The following PRR16 variants were observed in gnomAD, a reference collection of about 807,000 sequenced individuals.
The protein encoded by PRR16 is protein Largen.
Under a neutral mutation model 18.2 loss-of-function variants are expected in PRR16, and 6 were observed. That is an observed-to-expected ratio of 0.33 (90% CI 0.18 to 0.65). The LOEUF is 0.65. Among genes scored for constraint, PRR16 ranks in the 30% least tolerant of loss-of-function variants. PRR16 has a pLI of 0.74. For synonymous variants in PRR16, 151 were observed against 147.8 expected, an observed-to-expected ratio of 1.02 and a Z score of -0.16; for missense variants, 412 against 376.6, an observed-to-expected ratio of 1.09 and a Z score of -0.78.
the PRR16 span, among the ~76,000 whole-genome samples, chr5:120,709,609 C>G: frequency 6.6e-6 from 1 of 151,992 alleles, no homozygotes; most frequent in East Asian, 1.9e-4. Context: ...ATTTTTGTAC[C>G]TGTTAACCAA....
chr5:120,534,164 T>C (rs1001086618), intron 1 of PRR16, among the ~76,000 whole-genome samples: 13 of 152,224 alleles, frequency 8.5e-5, no homozygotes, highest in African/African-American at 3.1e-4. Flanking sequence ...ATCTGAGAGA[T>C]ATAAATTGGG....
chr5:120,564,363 A>G (rs934913333), intron 1 of PRR16, among the ~76,000 whole-genome samples: 10 of 152,000 alleles, frequency 6.6e-5, no homozygotes, highest in African/African-American at 1.7e-4. Context: ...CTGCCTTTCA[A>G]GTTTACCTAG....
the PRR16 span, among the ~76,000 whole-genome samples, chr5:120,787,031 C>T: frequency 6.6e-6 from 1 of 152,090 alleles, no homozygotes; most frequent in African/African-American, 2.4e-5. Flanking sequence ...AGCAATTAAC[C>T]CGTTGATATG....
intron 1 of PRR16, among the ~76,000 whole-genome samples, chr5:120,619,850 G>T (rs1356097985): frequency 6.6e-6 from 1 of 152,052 alleles, no homozygotes; most frequent in East Asian, 1.9e-4. Flanking sequence ...ATAAGACACA[G>T]TTCTACCCAT....
At chr5:120,472,467 GA>G (rs1471423191) in intron 1 of PRR16, among the ~76,000 whole-genome samples, 1 of 151,650 alleles carries the variant, frequency 6.6e-6, no homozygotes, top group Non-Finnish European at 1.5e-5. Flanking sequence ...TTGAAAAAAG[GA>G]AAAAAAGTTG....
chr5:120,611,496 G>T (rs1316281388), intron 1 of PRR16, among the ~76,000 whole-genome samples: 4 of 152,128 alleles, frequency 2.6e-5, no homozygotes, highest in Non-Finnish European at 5.9e-5. Flanking sequence ...TGCAGCCTAG[G>T]GACTTGGTGC....
the PRR16 span, among the ~76,000 whole-genome samples, chr5:120,773,472 C>T: frequency 6.6e-6 from 1 of 152,078 alleles, no homozygotes; most frequent in Non-Finnish European, 1.5e-5. Context: ...AAATTGTTGG[C>T]CACAGGTATG....
At chr5:120,602,265 A>G (rs1000069881) in intron 1 of PRR16, among the ~76,000 whole-genome samples, 1 of 151,974 alleles carries the variant, frequency 6.6e-6, no homozygotes, top group Non-Finnish European at 1.5e-5. Context: ...TTCTTGTAGT[A>G]CAGATCTTTC....
chr5:120,787,772 T>TTCC, the PRR16 span, among the ~76,000 whole-genome samples: 1 of 152,084 alleles, frequency 6.6e-6, no homozygotes, highest in East Asian at 1.9e-4. Context: ...GCGTAAGTAC[T>TTCC]TCCTCCTCCT....
the PRR16 span, chr5:120,790,729 G>A: frequency 6.6e-6 from 1 of 152,070 alleles, no homozygotes; most frequent in Non-Finnish European, 1.5e-5. Flanking sequence ...GGGTAATGAT[G>A]TGTGCTGTTA....
At chr5:120,537,903 A>G (rs968767736) in intron 1 of PRR16, among the ~76,000 whole-genome samples, 41 of 149,696 alleles carry the variant, frequency 2.7e-4, no homozygotes, top group Non-Finnish European at 5.1e-4. Flanking sequence ...CAGCCTCCCA[A>G]GTAGCTGGGA....
At chr5:120,655,339 T>G (rs946629659) in intron 1 of PRR16, among the ~76,000 whole-genome samples, 5 of 151,134 alleles carry the variant, frequency 3.3e-5, no homozygotes, top group Admixed American at 6.6e-5. Flanking sequence ...GCAAGAATTT[T>G]CAATGGATGA....
chr5:120,785,202 A>T, the PRR16 span, among the ~76,000 whole-genome samples: 2 of 152,174 alleles, frequency 1.3e-5, no homozygotes, highest in Non-Finnish European at 2.9e-5. Context: ...GAGAGTTTTG[A>T]CAAGTGTCTA....
At chr5:120,717,855 T>C in the PRR16 span, among the ~76,000 whole-genome samples, 1 of 152,206 alleles carries the variant, frequency 6.6e-6, no homozygotes, top group Non-Finnish European at 1.5e-5. Context: ...TGAGGTTTGA[T>C]CTTTTAATAT....
intron 1 of PRR16, among the ~76,000 whole-genome samples, chr5:120,496,608 C>T (rs1016261232): frequency 1.3e-5 from 2 of 151,578 alleles, no homozygotes; most frequent in Non-Finnish European, 2.9e-5. Flanking sequence ...TTTTCTTTGT[C>T]GATCTTTTTC....
chr5:120,510,277 C>T lies in PRR16; in HGVS notation c.159+45632C>T, dbSNP rs187792140. Among the ~76,000 whole-genome samples, 130 of 152,216 alleles carry T rather than the reference C, an allele frequency of 8.5e-4. 1 individual carries two copies. Among genetic ancestry groups the T allele is most frequent in the Middle Eastern group, 3.4e-3 (1 of 294 alleles). On this transcript the variant is annotated intron_variant, in intron 1 of 1. Coordinates refer to ENST00000407149, the MANE Select transcript of PRR16 (RefSeq NM_001300783.2). ...TATGATTGGCAGAACACTTTGTGTT[C>T]TCAGAAAGCTATTTAAATACCAAAT...
the PRR16 span, among the ~76,000 whole-genome samples, chr5:120,784,259 C>CTGTT: frequency 1.1e-4 from 17 of 152,080 alleles, no homozygotes; most frequent in South Asian, 6.2e-4. Context: ...GGTAGTTCTA[C>CTGTT]TGTTAGTTTT....
intron 1 of PRR16, among the ~76,000 whole-genome samples, chr5:120,522,342 T>A (rs142606236): frequency 0.024 from 3,683 of 152,316 alleles, 72 homozygotes; most frequent in African/African-American, 0.053. Context: ...TGTTGTTTCC[T>A]GACTTTTTAA....
At chr5:120,732,102 A>G in the PRR16 span, among the ~76,000 whole-genome samples, 6 of 152,328 alleles carry the variant, frequency 3.9e-5, no homozygotes, top group Non-Finnish European at 5.9e-5. Context: ...TGGATGGCCA[A>G]TCATCATTTC....
Sources: allele counts gnomAD v4.1 joint callset (sites outside exome capture counted in the v4.1 genomes callset), GRCh38; gene constraint gnomAD v4.1.1; transcripts MANE v1.5; gene names NCBI Gene and HGNC (gene_info 2026-07-23, HGNC 2026-07-21).